The following NTRK2 variants were observed in gnomAD, a reference collection of about 807,000 sequenced individuals.
The protein encoded by NTRK2 is neurotrophic receptor tyrosine kinase 2.
In NTRK2, 13 loss-of-function variants were observed where a neutral mutation model predicts 94.5. That is an observed-to-expected ratio of 0.14 (90% CI 0.09 to 0.22). The LOEUF (loss-of-function observed/expected upper bound fraction) is 0.22. Ranked by LOEUF, NTRK2 falls within the 10% of genes least tolerant of loss-of-function variation. The probability of loss-of-function intolerance (pLI) is 1.00; values close to 1 mark genes in which losing one functional copy is unlikely to be tolerated. For missense variants in NTRK2, 639 were observed against 1,071.2 expected, an observed-to-expected ratio of 0.60 and a Z score of 5.63; for synonymous variants, 372 against 407.4, an observed-to-expected ratio of 0.91 and a Z score of 1.05.
intron 15 of NTRK2, among the ~76,000 whole-genome samples, chr9:84,944,219 A>T (rs868519449): frequency 0.013 from 1,490 of 117,198 alleles, 30 homozygotes; most frequent in African/African-American, 0.039. Context: ...TCTCTCTCAC[A>T]CACACACACA....
chr9:84,771,674 C>T (rs1211344795), intron 12 of NTRK2, among the ~76,000 whole-genome samples: 1 of 152,174 alleles, frequency 6.6e-6, no homozygotes, highest in African/African-American at 2.4e-5. Flanking sequence ...TTATTTCTTA[C>T]TTGGCTTTTT....
chr9:84,870,331 G>GTATATATATA (rs1158637577), intron 14 of NTRK2, among the ~76,000 whole-genome samples: 344 of 31,096 alleles, frequency 0.011, 6 homozygotes, highest in East Asian at 0.029. Context: ...GTGTGTGTGT[G>GTATATATATA]TATATATATA....
intron 2 of NTRK2, among the ~76,000 whole-genome samples, chr9:84,677,626 G>GCC (rs1173499810): frequency 6.6e-6 from 1 of 152,128 alleles, no homozygotes; most frequent in East Asian, 1.9e-4. Context: ...GTAAAGCAGA[G>GCC]CATAATTTAG....
intron 15 of NTRK2, among the ~76,000 whole-genome samples, chr9:84,939,087 A>G (rs978364906): frequency 1.3e-5 from 2 of 149,928 alleles, no homozygotes; most frequent in African/African-American, 4.9e-5. Context: ...GAAAAGAAAA[A>G]AAAAGAGTTG....
intron 17 of NTRK2, among the ~76,000 whole-genome samples, chr9:84,990,970 T>C (rs1024079885): frequency 2.0e-5 from 3 of 152,176 alleles, no homozygotes; most frequent in Non-Finnish European, 4.4e-5. Context: ...CTCCGAATGC[T>C]GTTGGCCCGG....
chr9:84,774,640 T>A (rs1391168485), intron 12 of NTRK2, among the ~76,000 whole-genome samples: 1 of 152,216 alleles, frequency 6.6e-6, no homozygotes, highest in Non-Finnish European at 1.5e-5. Flanking sequence ...CTGGTTTCTG[T>A]AGTCCAGTGT....
intron 9 of NTRK2, among the ~76,000 whole-genome samples, chr9:84,738,759 A>G (rs1037996982): frequency 3.3e-5 from 5 of 152,168 alleles, no homozygotes; most frequent in Admixed American, 6.5e-5. Flanking sequence ...TTTGTCAGAC[A>G]TAGTGCAGTA....
intron 9 of NTRK2, among the ~76,000 whole-genome samples, chr9:84,734,931 C>T (rs1251455860): frequency 6.6e-6 from 1 of 152,108 alleles, no homozygotes; most frequent in African/African-American, 2.4e-5. Flanking sequence ...GATCTTTCTG[C>T]TGTCTAAGCT....
intron 12 of NTRK2, among the ~76,000 whole-genome samples, chr9:84,765,136 G>A (rs553775070): frequency 1.3e-4 from 20 of 152,270 alleles, no homozygotes; most frequent in African/African-American, 4.6e-4. Context: ...AAGACCTACT[G>A]TCTGATCGCA....
intron 2 of NTRK2, among the ~76,000 whole-genome samples, chr9:84,678,225 C>G (rs1283041157): frequency 1.3e-5 from 2 of 152,142 alleles, no homozygotes; most frequent in Non-Finnish European, 2.9e-5. Context: ...TTTTATCATT[C>G]TGGATGTCCC....
intron 14 of NTRK2, among the ~76,000 whole-genome samples, chr9:84,894,920 A>G (rs546689928): frequency 1.3e-5 from 2 of 152,342 alleles, no homozygotes; most frequent in South Asian, 4.1e-4. Context: ...CACTGGGCTC[A>G]GCTGGAACAA....
intron 15 of NTRK2, among the ~76,000 whole-genome samples, chr9:84,938,610 G>A (rs1054210511): frequency 2.0e-5 from 3 of 152,148 alleles, no homozygotes; most frequent in African/African-American, 7.2e-5. Flanking sequence ...TAGTAGAGTG[G>A]CATATTCCCC....
chr9:85,010,787 G>A (rs1457531525), intron 17 of NTRK2, among the ~76,000 whole-genome samples: 2 of 152,190 alleles, frequency 1.3e-5, no homozygotes, highest in African/African-American at 4.8e-5. Flanking sequence ...ATGCTGTACT[G>A]AGAGAAGATT....
chr9:84,875,212 T>A (rs200000222), intron 14 of NTRK2: 2 of 1,057,188 alleles, frequency 1.9e-6, no homozygotes, highest in African/African-American at 3.3e-5. Context: ...TAGTAATGGC[T>A]CACTTTGGGG....
chr9:84,680,752 T>C (rs1564034072), intron 2 of NTRK2, among the ~76,000 whole-genome samples: 1 of 152,186 alleles, frequency 6.6e-6, no homozygotes, highest in Non-Finnish European at 1.5e-5. Context: ...TATGTCTATT[T>C]TCCTATCTCT....
intron 14 of NTRK2, chr9:84,874,433 C>T: frequency 9.4e-7 from 1 of 1,065,846 alleles, no homozygotes. Context: ...AGAGTAACCA[C>T]CGTAGCTGGG....
chr9:84,860,098 T>C (rs1046816689), intron 12 of NTRK2, among the ~76,000 whole-genome samples: 1 of 152,204 alleles, frequency 6.6e-6, no homozygotes, highest in African/African-American at 2.4e-5. Flanking sequence ...TTAAATTGAT[T>C]CCTCTTCAGT....
chr9:84,938,350 T>C (rs1276270178), intron 15 of NTRK2, among the ~76,000 whole-genome samples: 1 of 152,164 alleles, frequency 6.6e-6, no homozygotes, highest in South Asian at 2.1e-4. Flanking sequence ...GTTTCTTCCA[T>C]TTCCATGTCG....
Position 85,022,410 on chromosome 9 carries a change from C to A in NTRK2, c.*973C>A. 4.3e-6 allele frequency: 1 copy of A among 233,148 alleles called. No individual in the cohort carries two copies. The allele number at this position is 233,148 out of a possible 1,614,324, so 14.4% of individuals were successfully genotyped here. A position where few individuals can be genotyped will look rare whatever the true frequency, so the allele number is the denominator to read the frequency against. Reference sequence around the variant, plus strand: ...TGATAGCACTGGTTTGTTTCTCAAGCGCTATCCACAGAACCTTTGTCAACT... The same window carrying A: ...TGATAGCACTGGTTTGTTTCTCAAGAGCTATCCACAGAACCTTTGTCAACT... On this transcript the variant is annotated 3_prime_UTR_variant, in exon 19 of 19. Transcript: ENST00000277120.
Sources: gnomAD v4.1 joint callset for allele counts (sites outside exome capture counted in the v4.1 genomes callset) on GRCh38, gnomAD v4.1.1 for gene constraint, MANE v1.5 for transcripts, NCBI Gene and HGNC (gene_info 2026-07-23, HGNC 2026-07-21) for gene names.